PRKACB: variants seen among roughly 807,000 people sequenced by gnomAD.
The protein encoded by PRKACB is protein kinase cAMP-activated catalytic subunit beta.
PRKACB carries 16 observed loss-of-function variants against 51.4 expected under a neutral mutation model. The ratio of observed to expected loss-of-function variants is 0.31; its 90% CI spans 0.21 to 0.47. The LOEUF (loss-of-function observed/expected upper bound fraction) is 0.47, where lower values mean the gene tolerates loss of function less well. Ranked by LOEUF, PRKACB falls within the 20% of genes least tolerant of loss-of-function variation. The pLI is 1.00. For missense variants in PRKACB, 309 were observed against 464.5 expected (o/e 0.67, Z 3.08); for synonymous variants, 147 against 154.4 (o/e 0.95, Z 0.35).
At chr1:84,145,993 G>A (rs1193971086) in intron 1 of PRKACB, among the ~76,000 whole-genome samples, 1 of 151,874 alleles carries the variant, frequency 6.6e-6, no homozygotes, top group Non-Finnish European at 1.5e-5. Flanking sequence ...TGAATGTTAG[G>A]GGTTTTTAAT....
At chr1:84,200,374 T>A (rs1572379546) in intron 7 of PRKACB, among the ~76,000 whole-genome samples, 1 of 152,232 alleles carries the variant, frequency 6.6e-6, no homozygotes, top group Non-Finnish European at 1.5e-5. Flanking sequence ...TCATAGATGC[T>A]GGATATTAGA....
chr1:84,091,088 A>G (rs1648432789), intron 1 of PRKACB, among the ~76,000 whole-genome samples: 2 of 152,156 alleles, frequency 1.3e-5, no homozygotes, highest in Admixed American at 6.5e-5. Flanking sequence ...TCGCTCACCT[A>G]CTAAAGTGAA....
At chr1:84,179,417 T>A (rs558396782) in intron 2 of PRKACB, among the ~76,000 whole-genome samples, 179 bp downstream of exon 2, 32 of 152,062 alleles carry the variant, frequency 2.1e-4, no homozygotes, top group Middle Eastern at 3.4e-3. Flanking sequence ...AATCTTAATG[T>A]ATGCCTAAAT....
chr1:84,181,631 A>G (rs1211765430), intron 2 of PRKACB: 7 of 1,370,866 alleles, frequency 5.1e-6, no homozygotes, highest in Non-Finnish European at 6.7e-6. Context: ...TTTTTATAAT[A>G]TAAAGAGAGA....
chr1:84,204,381 A>G (rs1670986416), intron 8 of PRKACB: 2 of 867,070 alleles, frequency 2.3e-6, no homozygotes, highest in Non-Finnish European at 1.9e-6. Context: ...AGCAGAATGC[A>G]GTACTTATTT....
At chr1:84,101,007 T>G (rs1649310730) in intron 1 of PRKACB, among the ~76,000 whole-genome samples, 1 of 152,200 alleles carries the variant, frequency 6.6e-6, no homozygotes, top group Non-Finnish European at 1.5e-5. Flanking sequence ...AGTTTTCTCC[T>G]TATTATAATC....
intron 1 of PRKACB, among the ~76,000 whole-genome samples, chr1:84,157,180 A>G (rs976845431): frequency 2.0e-5 from 3 of 152,082 alleles, no homozygotes; most frequent in Admixed American, 2.0e-4. Context: ...TACCTTCTTT[A>G]CTTTAATTAT....
chr1:84,111,476 A>T (rs1336416412), intron 1 of PRKACB, among the ~76,000 whole-genome samples: 1 of 152,158 alleles, frequency 6.6e-6, no homozygotes, highest in Admixed American at 6.5e-5. Context: ...AATACCTTAT[A>T]TTAGTATGGA....
At chr1:84,114,282 T>A (rs1478451275) in intron 1 of PRKACB, among the ~76,000 whole-genome samples, 3 of 152,184 alleles carry the variant, frequency 2.0e-5, no homozygotes, top group Non-Finnish European at 2.9e-5. Flanking sequence ...CATGATACCA[T>A]CCAGGCAAAT....
intron 8 of PRKACB, among the ~76,000 whole-genome samples, chr1:84,208,822 T>G (rs1468786154): frequency 2.6e-5 from 4 of 152,214 alleles, no homozygotes; most frequent in Admixed American, 6.5e-5. Flanking sequence ...ATACTCTCAT[T>G]GTTTTATAAA....
At chr1:84,217,821 A>C (rs1005776163) in intron 9 of PRKACB, among the ~76,000 whole-genome samples, 3 of 152,104 alleles carry the variant, frequency 2.0e-5, no homozygotes, top group African/African-American at 7.2e-5. Flanking sequence ...CCTACTCCAC[A>C]ATAAGTGTAT....
rs552754264 is a variant in PRKACB, at chr1:84,235,428, G to C, written c.*123G>C. ...TTCCTTCATTCCAACGACTGAGTGA[G>C]GTCTTTATTGCCATCATCCCGTGTG... On this transcript the variant is annotated 3_prime_UTR_variant, in exon 10 of 10. Coordinates refer to ENST00000370685, the MANE Select transcript of PRKACB (RefSeq NM_182948.4). The C allele has an allele frequency of 7.7e-7, 1 of 1,299,130 alleles. No homozygotes were observed. The highest frequency in any genetic ancestry group is 1.1e-6 in the Non-Finnish European group (1 of 931,082). 80.5% of individuals were successfully genotyped at this position (1,299,130 alleles called of 1,614,324 possible).
chr1:84,157,308 T>C (rs1571878438), intron 1 of PRKACB: 1 of 152,322 alleles, frequency 6.6e-6, no homozygotes, highest in Non-Finnish European at 1.5e-5. Context: ...ATAATTAAAT[T>C]GTCCACTGAA....
intron 1 of PRKACB, among the ~76,000 whole-genome samples, chr1:84,127,483 A>G (rs974066166): frequency 6.6e-6 from 1 of 152,232 alleles, no homozygotes; most frequent in African/African-American, 2.4e-5. Context: ...CCAGAAAAGA[A>G]GTATGAAGTT....
intron 1 of PRKACB, among the ~76,000 whole-genome samples, chr1:84,116,786 C>T (rs1377170527): frequency 6.6e-6 from 1 of 152,084 alleles, no homozygotes; most frequent in East Asian, 1.9e-4. Context: ...ACTTCCTCTT[C>T]TCCAATTTCG....
At chr1:84,196,058 A>G (rs1668156128) in intron 5 of PRKACB, among the ~76,000 whole-genome samples, 1 of 152,184 alleles carries the variant, frequency 6.6e-6, no homozygotes, top group African/African-American at 2.4e-5. Flanking sequence ...GTTTATGAGT[A>G]TTCATTATTC....
At position 84,194,805 on chromosome 1, in the gene PRKACB, G is replaced by A. The variant is rs555143008; in HGVS notation, c.561-1811G>A. Among the ~76,000 whole-genome samples the A allele has an allele frequency of 1.1e-4, 16 of 152,160 alleles. No homozygotes were observed. The South Asian group carries it at 3.3e-3, about 32-fold the overall frequency. ...TACAAAAAATTAGCTGGGCATGGTG[G>A]TGTGCAACTGTAGTCCCAGCTACTC... On this transcript the variant is annotated intron_variant, in intron 5 of 9. Transcript: ENST00000370685.
chr1:84,163,936 A>ATGCTACCCAGTCAGCCCACCT (rs1266209238), intron 1 of PRKACB, among the ~76,000 whole-genome samples: 3 of 151,946 alleles, frequency 2.0e-5, no homozygotes, highest in Non-Finnish European at 4.4e-5. Flanking sequence ...TCTGTTCACC[A>ATGCTACCCAGTCAGCCCACCT]TGCTACCCAG....
intron 1 of PRKACB, among the ~76,000 whole-genome samples, chr1:84,146,199 T>A (rs1654051224): frequency 6.6e-6 from 1 of 151,764 alleles, no homozygotes; most frequent in Admixed American, 6.6e-5. Context: ...ACAAATAAAA[T>A]TAGGAGCAAA....
Sources: allele counts gnomAD v4.1 joint callset (sites outside exome capture counted in the v4.1 genomes callset), GRCh38; gene constraint gnomAD v4.1.1; transcripts MANE v1.5; gene names NCBI Gene and HGNC (gene_info 2026-07-23, HGNC 2026-07-21).